ZNF331: variants seen among roughly 807,000 people sequenced by gnomAD.
The protein encoded by ZNF331 is zinc finger protein 331.
A neutral mutation model predicts 7.0 loss-of-function variants in ZNF331; 2 were observed. The ratio of observed to expected loss-of-function variants is 0.29; its 90% CI spans 0.12 to 0.90. ZNF331 has a LOEUF of 0.90. ZNF331 is among the 40% of genes least tolerant of loss of function. ZNF331 has a pLI of 0.58. For synonymous variants in ZNF331, 196 were observed against 205.4 expected (o/e 0.95, Z 0.39); for missense variants, 432 against 587.7 (o/e 0.74, Z 2.74).
chr19:53,557,509 G>A (rs1244658096), intron 3 of ZNF331, among the ~76,000 whole-genome samples: 4 of 152,108 alleles, frequency 2.6e-5, no homozygotes, highest in Non-Finnish European at 5.9e-5. Context: ...ATCACATTGG[G>A]GAACAGAATT....
chr19:53,519,507 T>C (rs1232909342), upstream of ZNF331, among the ~76,000 whole-genome samples: 2 of 152,202 alleles, frequency 1.3e-5, no homozygotes, highest in African/African-American at 4.8e-5. Flanking sequence ...ATCCCTATCA[T>C]ATCTTTCTTG....
intron 2 of ZNF331, chr19:53,554,743 G>GTGA (rs1379856370): frequency 1.3e-5 from 2 of 152,216 alleles, no homozygotes; most frequent in African/African-American, 2.4e-5. Flanking sequence ...GGAGCTTCTA[G>GTGA]CGGTGACGCA....
intron 2 of ZNF331, among the ~76,000 whole-genome samples, chr19:53,544,146 G>T (rs1461504421): frequency 6.6e-6 from 1 of 151,072 alleles, no homozygotes; most frequent in Admixed American, 6.6e-5. Context: ...AGAATCGCTT[G>T]AACCCGGGAG....
chr19:53,541,226 C>T (rs1190694449), intron 2 of ZNF331, among the ~76,000 whole-genome samples: 1 of 151,194 alleles, frequency 6.6e-6, no homozygotes, highest in Non-Finnish European at 1.5e-5. Flanking sequence ...CTGCCTCAGT[C>T]TCCTGAGTAG....
At chr19:53,504,765 T>C in the ZNF331 span, among the ~76,000 whole-genome samples, 57,194 of 152,114 alleles carry the variant, frequency 0.38, 11,034 homozygotes, top group Middle Eastern at 0.47. Context: ...TTAAAACCTT[T>C]TGCAATTTCT....
rs565105409 is a variant in ZNF331, at chr19:53,553,066, C to T, written c.-137-2779C>T. 1.5e-3 allele frequency among the ~76,000 whole-genome samples: 223 copies of T among 152,212 alleles called. 1 individual carries two copies. Among genetic ancestry groups the T allele is most frequent in the Middle Eastern group, 3.4e-3 (1 of 294 alleles). ...TACCCTTTCAAACCTACCTTCCTCT[C>T]TTAGTAATTAATGATACCGTCTTTC... On this transcript the variant is annotated intron_variant, in intron 2 of 5. Coordinates refer to ENST00000449416, the MANE Select transcript of ZNF331 (RefSeq NM_001079906.2).
At chr19:53,507,861 G>A in the ZNF331 span, among the ~76,000 whole-genome samples, 718 of 152,248 alleles carry the variant, frequency 4.7e-3, 6 homozygotes, top group African/African-American at 0.016. Context: ...TTAGCTGGAC[G>A]TAGTGGCAGG....
chr19:53,506,508 GTC>G, the ZNF331 span, among the ~76,000 whole-genome samples: 100 of 85,398 alleles, frequency 1.2e-3, no homozygotes, highest in African/African-American at 4.3e-3. Context: ...CTCTCTCTCT[GTC>G]TCTCTCTCTC....
At chr19:53,538,489 G>C (rs2087893354) in intron 1 of ZNF331, 193 bp downstream of exon 1, 1 of 152,806 alleles carries the variant, frequency 6.5e-6, no homozygotes, top group Non-Finnish European at 1.5e-5. Context: ...TCTGCTCCGT[G>C]AGGTGCGCTC....
chr19:53,566,806 G>A (rs558728613), intron 3 of ZNF331, among the ~76,000 whole-genome samples: 15 of 126,770 alleles, frequency 1.2e-4, no homozygotes, highest in East Asian at 4.7e-4. Context: ...ATAAGGGGTC[G>A]TAGAACTTCC....
chr19:53,528,210 G>A (rs188663969), intron 2 of ZNF331, among the ~76,000 whole-genome samples: 35 of 152,278 alleles, frequency 2.3e-4, no homozygotes, highest in Middle Eastern at 6.8e-3. Context: ...ATTTTCTTAC[G>A]TGTCTTAGAA....
At chr19:53,533,385 T>G (rs1392927563), upstream of ZNF331, among the ~76,000 whole-genome samples, 2 of 152,196 alleles carry the variant, frequency 1.3e-5, no homozygotes, top group African/African-American at 2.4e-5. Flanking sequence ...TTAAATTTCT[T>G]AAGACCTGTT....
At chr19:53,510,559 G>A in the ZNF331 span, among the ~76,000 whole-genome samples, 9 of 150,592 alleles carry the variant, frequency 6.0e-5, no homozygotes, top group African/African-American at 9.8e-5. Flanking sequence ...TCTGAGTTGT[G>A]AGCTCCACCC....
chr19:53,548,509 G>T (rs775107417), intron 2 of ZNF331, among the ~76,000 whole-genome samples: 1 of 151,936 alleles, frequency 6.6e-6, no homozygotes, highest in South Asian at 2.1e-4. Flanking sequence ...CTCCCATCTC[G>T]GCCTTCCAAA....
intron 2 of ZNF331, among the ~76,000 whole-genome samples, chr19:53,531,053 T>TGAG (rs943999137): frequency 2.7e-4 from 41 of 152,222 alleles, no homozygotes; most frequent in African/African-American, 9.6e-4. Context: ...CTGTGCCTTA[T>TGAG]GAGGTATTTT....
At chr19:53,575,726 C>T (rs1333232763) in intron 5 of ZNF331, among the ~76,000 whole-genome samples, 1 of 150,228 alleles carries the variant, frequency 6.7e-6, no homozygotes, top group African/African-American at 2.5e-5. Context: ...CTCTGTCACC[C>T]AGGCTGGAGT....
intron 2 of ZNF331, among the ~76,000 whole-genome samples, chr19:53,545,650 C>T (rs188947980): frequency 8.5e-5 from 13 of 152,336 alleles, no homozygotes; most frequent in African/African-American, 3.1e-4. Context: ...CAGTCTGCCA[C>T]TTGTATTTCC....
chr19:53,519,752 G>A (rs1369498160), upstream of ZNF331, among the ~76,000 whole-genome samples: 1 of 152,080 alleles, frequency 6.6e-6, no homozygotes, highest in Non-Finnish European at 1.5e-5. Context: ...GAGAGCCTTG[G>A]CACAGACCCA....
rs201534855 is a variant in ZNF331 at position 53,575,286 on chromosome 19, AG to A, written c.137-1410del. ...GGTCTGGTTTCCTAGCGTGTTCCAG[AG>A]CTGGCCATTTAACATTTTGTAGTAT... On this transcript the variant is annotated intron_variant, in intron 5 of 5. Coordinates refer to ENST00000449416, the MANE Select transcript of ZNF331 (RefSeq NM_001079906.2). Among the ~76,000 whole-genome samples the A allele has an allele frequency of 4.8e-3, 727 of 152,016 alleles. 7 individuals carry two copies. Among genetic ancestry groups the A allele is most frequent in the Admixed American group, 7.0e-3 (106 of 15,238 alleles).
Sources: gnomAD v4.1 joint callset for allele counts (sites outside exome capture counted in the v4.1 genomes callset) on GRCh38, gnomAD v4.1.1 for gene constraint, MANE v1.5 for transcripts, NCBI Gene and HGNC (gene_info 2026-07-23, HGNC 2026-07-21) for gene names.